TANC1: variants seen among roughly 807,000 people sequenced by gnomAD.
TANC1 encodes the protein tetratricopeptide repeat, ankyrin repeat and coiled-coil containing 1.
Under a neutral mutation model 149.7 loss-of-function variants are expected in TANC1, and 77 were observed. That is an observed-to-expected ratio of 0.51 (90% CI 0.43 to 0.62). The LOEUF (loss-of-function observed/expected upper bound fraction) is 0.62. TANC1 is among the 20% of genes least tolerant of loss of function. The pLI is 0.00. For missense variants in TANC1, 1,985 were observed against 2,321.8 expected (o/e 0.85, Z 2.98); for synonymous variants, 854 against 925.0 (o/e 0.92, Z 1.39).
At chr2:159,100,415 C>T (rs376846059) in intron 4 of TANC1, among the ~76,000 whole-genome samples, 44 of 152,224 alleles carry the variant, frequency 2.9e-4, no homozygotes, top group African/African-American at 1.0e-3. Context: ...GTGTGGACCA[C>T]ATTAGTTTTT....
chr2:159,008,541 T>G (rs1365907), intron 2 of TANC1, among the ~76,000 whole-genome samples: 67,367 of 151,984 alleles, frequency 0.44, 15,615 homozygotes, highest in African/African-American at 0.57. Flanking sequence ...GGCTTTTGGT[T>G]TGCATACCCA....
Position 159,097,249 on chromosome 2 carries a change from G to C in TANC1, c.62-388G>C, listed in dbSNP as rs548553427. Reference sequence around the variant, plus strand: ...AGGCCTGGGAGTTCTGGAAGGGTTGGTATCTGAATCTGTTTTACTGATACT... The same window carrying C: ...AGGCCTGGGAGTTCTGGAAGGGTTGCTATCTGAATCTGTTTTACTGATACT... On this transcript the variant is annotated intron_variant, in intron 3 of 26. Coordinates refer to ENST00000263635, the MANE Select transcript of TANC1 (RefSeq NM_033394.3). 1.8e-4 allele frequency among the ~76,000 whole-genome samples: 27 copies of C among 152,256 alleles called. No homozygotes were observed. The South Asian group carries it at 5.6e-3, about 32-fold the overall frequency.
chr2:158,978,155 C>T (rs1447137286), intron 1 of TANC1, among the ~76,000 whole-genome samples: 4 of 152,090 alleles, frequency 2.6e-5, no homozygotes, highest in African/African-American at 9.7e-5. Flanking sequence ...TTACCTTTCT[C>T]ATTTAAAAAG....
intron 1 of TANC1, among the ~76,000 whole-genome samples, chr2:158,971,707 T>C (rs186731538): frequency 1.7e-4 from 26 of 152,324 alleles, no homozygotes; most frequent in Non-Finnish European, 3.2e-4. Context: ...TCTGTGACTC[T>C]CCAAAAGTTT....
At chr2:159,034,949 T>C (rs2040062288) in intron 2 of TANC1, among the ~76,000 whole-genome samples, 1 of 152,220 alleles carries the variant, frequency 6.6e-6, no homozygotes, top group Admixed American at 6.5e-5. Flanking sequence ...CAGTGTTCAA[T>C]GCTGCAGAAC....
intron 3 of TANC1, among the ~76,000 whole-genome samples, chr2:159,078,277 TCCTA>T (rs1170396174): frequency 3.9e-5 from 6 of 152,246 alleles, no homozygotes; most frequent in African/African-American, 7.2e-5. Context: ...TCTTACTCTC[TCCTA>T]CCTGTTTGTT....
Position 159,152,779 on chromosome 2 carries a change from C to T in TANC1, c.682+2223C>T, listed in dbSNP as rs182879816. On this transcript the variant is annotated intron_variant, in intron 7 of 26. Transcript: ENST00000263635. ...GATTACAGGCATGAGCCGCTGTGCC[C>T]GGCCCAAACTTTTAATAACTGAGAG... Among the ~76,000 whole-genome samples, 100 of 152,290 alleles carry T rather than the reference C, an allele frequency of 6.6e-4. 1 individual carries two copies. Among genetic ancestry groups the T allele is most frequent in the African/African-American group, 2.1e-3 (86 of 41,554 alleles).
chr2:159,031,504 T>C (rs2039778059), intron 2 of TANC1, among the ~76,000 whole-genome samples: 1 of 152,230 alleles, frequency 6.6e-6, no homozygotes, highest in African/African-American at 2.4e-5. Flanking sequence ...AATCTGGAAG[T>C]GGATGTAGTT....
intron 2 of TANC1, among the ~76,000 whole-genome samples, chr2:159,031,412 C>CA (rs1447044938): frequency 1.3e-5 from 2 of 152,170 alleles, no homozygotes; most frequent in East Asian, 3.9e-4. Flanking sequence ...TAGGTCATTT[C>CA]AGCCTGCTTG....
At position 159,230,381 on chromosome 2, in the gene TANC1, G is replaced by A. The variant is rs1411246161; in HGVS notation, c.4955G>A (p.Ser1652Asn). Residue 1652 changes from serine (S) to asparagine (N), a missense_variant, in exon 27 of 27, where the codon AGC (serine) becomes AAC (asparagine). Around this residue, in one of 3 missense-constraint regions of TANC1, gnomAD observed 920 missense variants for 994.7 expected, o/e 0.92. Transcript: ENST00000263635. This position sits in a 1 kb window ranked among gnomAD's most constrained non-coding sequence, Gnocchi z 4.4. The part of the protein sequence containing the change: ...PPNQGGLATC[S>N]DVRHPASLTS... ...AACCAAGGTGGGCTGGCGACCTGCAGCGACGTGCGACACCCAGCTTCCCTC... is the reference window on the plus strand; with the variant it reads ...AACCAAGGTGGGCTGGCGACCTGCAACGACGTGCGACACCCAGCTTCCCTC... 1 of 1,614,146 alleles carries A rather than the reference G, an allele frequency of 6.2e-7. No homozygotes were observed. The highest frequency in any genetic ancestry group is 1.7e-5 in the Admixed American group (1 of 60,030).
At chr2:159,069,790 A>G (rs2042987242) in intron 3 of TANC1, among the ~76,000 whole-genome samples, 1 of 138,070 alleles carries the variant, frequency 7.2e-6, no homozygotes, top group African/African-American at 2.7e-5. Flanking sequence ...TTTTTTTGAG[A>G]CAGGGTTTTG....
intron 5 of TANC1, among the ~76,000 whole-genome samples, chr2:159,139,386 T>C (rs1194831706): frequency 6.6e-6 from 1 of 152,242 alleles, no homozygotes; most frequent in African/African-American, 2.4e-5. Flanking sequence ...CAAATGGTCC[T>C]AATAAGCTGT....
At chr2:159,106,830 G>T (rs2047236573) in intron 4 of TANC1, among the ~76,000 whole-genome samples, 6 of 152,158 alleles carry the variant, frequency 3.9e-5, no homozygotes, top group Admixed American at 3.9e-4. Flanking sequence ...GCCAATGCTT[G>T]TATTGTCTTT....
chr2:159,035,468 T>G (rs1275821364), intron 2 of TANC1, among the ~76,000 whole-genome samples: 1 of 152,166 alleles, frequency 6.6e-6, no homozygotes, highest in African/African-American at 2.4e-5. Flanking sequence ...ACAGTAAAAG[T>G]TCATAATTTT....
intron 2 of TANC1, among the ~76,000 whole-genome samples, chr2:159,012,784 A>G (rs919448415): frequency 4.6e-5 from 7 of 152,244 alleles, no homozygotes; most frequent in African/African-American, 1.7e-4. Context: ...TGACCTAAAT[A>G]TAAAGCTCTA....
At chr2:159,055,418 T>C (rs186718619) in intron 2 of TANC1, among the ~76,000 whole-genome samples, 3 of 152,208 alleles carry the variant, frequency 2.0e-5, no homozygotes, top group African/African-American at 7.2e-5. Context: ...TGTGCTGTCC[T>C]GATCACCTCC....
At chr2:159,170,486 A>C in intron 9 of TANC1, 38 bp from the exon 10 acceptor site, 2 of 1,542,526 alleles carry the variant, frequency 1.3e-6, no homozygotes, top group Non-Finnish European at 1.8e-6. Flanking sequence ...TTATAAAATT[A>C]TGACATTTTT....
At chr2:158,985,512 G>C (rs1359463749) in intron 1 of TANC1, among the ~76,000 whole-genome samples, 1 of 152,212 alleles carries the variant, frequency 6.6e-6, no homozygotes, top group African/African-American at 2.4e-5. Context: ...TTGAGCAGGA[G>C]CACAGAGATT....
intron 19 of TANC1, among the ~76,000 whole-genome samples, chr2:159,201,060 G>A (rs931084331): frequency 6.6e-6 from 1 of 152,168 alleles, no homozygotes; most frequent in Non-Finnish European, 1.5e-5. Context: ...CTGTTTTTCA[G>A]GCTTAGCCAC....
Sources: allele counts gnomAD v4.1 joint callset (sites outside exome capture counted in the v4.1 genomes callset), GRCh38; gene constraint gnomAD v4.1.1; regional missense constraint gnomAD v4.1.1; non-coding constraint Gnocchi (gnomAD v3.1); transcripts MANE v1.5; gene names NCBI Gene and HGNC (gene_info 2026-07-23, HGNC 2026-07-21).